NAV2: variants seen among roughly 807,000 people sequenced by gnomAD.
NAV2 encodes neuron navigator 2.
NAV2 carries 54 observed loss-of-function variants against 223.2 expected under a neutral mutation model. That is an observed-to-expected ratio of 0.24 (90% CI 0.19 to 0.30). The LOEUF (loss-of-function observed/expected upper bound fraction) is 0.30, where lower values mean the gene tolerates loss of function less well. Among genes scored for constraint, NAV2 ranks in the 10% least tolerant of loss-of-function variants. The pLI is 1.00. For synonymous variants in NAV2, 1,279 were observed against 1,239.3 expected (o/e 1.03, Z -0.67); for missense variants, 2,806 against 3,147.5 (o/e 0.89, Z 2.60).
At chr11:19,666,572 G>A (rs1303802722) in intron 1 of NAV2, among the ~76,000 whole-genome samples, 1 of 152,166 alleles carries the variant, frequency 6.6e-6, no homozygotes, top group Non-Finnish European at 1.5e-5. Context: ...GACAGATTGT[G>A]GAGCTTGGGG....
intron 1 of NAV2, among the ~76,000 whole-genome samples, chr11:19,755,364 T>C (rs773275606): frequency 3.3e-5 from 5 of 152,226 alleles, no homozygotes; most frequent in Non-Finnish European, 5.9e-5. Flanking sequence ...ATCCCATGCA[T>C]GGACTGTGAG....
chr11:19,819,311 G>C (rs916240265), intron 1 of NAV2, among the ~76,000 whole-genome samples: 1 of 152,196 alleles, frequency 6.6e-6, no homozygotes, highest in African/African-American at 2.4e-5. Flanking sequence ...GCTTTACGGG[G>C]ACTGACATTT....
chr11:19,884,394 G>A, intron 5 of NAV2: 2 of 1,568,574 alleles, frequency 1.3e-6, no homozygotes, highest in Non-Finnish European at 1.8e-6. Context: ...GCAAAGCATG[G>A]TTTAATCCCA....
At chr11:19,431,602 T>C (rs533309847) in intron 1 of NAV2, among the ~76,000 whole-genome samples, 50 of 152,334 alleles carry the variant, frequency 3.3e-4, no homozygotes, top group African/African-American at 1.1e-3. Flanking sequence ...TTGGTCTCCT[T>C]CCTCTCCTTG....
intron 1 of NAV2, among the ~76,000 whole-genome samples, chr11:19,597,986 G>C (rs940493712): frequency 6.6e-6 from 1 of 152,248 alleles, no homozygotes; most frequent in African/African-American, 2.4e-5. Flanking sequence ...TCTGCACAGA[G>C]AGACCACGGG....
At chr11:19,420,035 G>A (rs1850544173) in intron 1 of NAV2, among the ~76,000 whole-genome samples, 1 of 152,128 alleles carries the variant, frequency 6.6e-6, no homozygotes, top group South Asian at 2.1e-4. Context: ...GTAAGGTGAG[G>A]TCCTCTGAGT....
intron 1 of NAV2, among the ~76,000 whole-genome samples, chr11:19,507,451 AT>A (rs1341628340): frequency 6.6e-6 from 1 of 152,206 alleles, no homozygotes; most frequent in Non-Finnish European, 1.5e-5. Context: ...ATTTTACAGG[AT>A]TTTGATGAGA....
intron 35 of NAV2, among the ~76,000 whole-genome samples, chr11:20,106,175 A>ATATATATATGTGTGTGTGTGTG (rs11267537): frequency 0.024 from 862 of 35,756 alleles, 133 homozygotes; most frequent in Non-Finnish European, 0.033. Context: ...ATATATATAT[A>ATATATATATGTGTGTGTGTGTG]TGTGTGTGTA....
chr11:19,521,594 G>A (rs2043657637), intron 1 of NAV2, among the ~76,000 whole-genome samples: 1 of 152,142 alleles, frequency 6.6e-6, no homozygotes, highest in East Asian at 1.9e-4. Flanking sequence ...GGGGATATTT[G>A]AGGAGCTCCT....
intron 22 of NAV2, among the ~76,000 whole-genome samples, chr11:20,073,800 A>G (rs1362746861): frequency 1.3e-5 from 2 of 151,948 alleles, no homozygotes; most frequent in Non-Finnish European, 2.9e-5. Flanking sequence ...ATCATTTTCT[A>G]TTGCATCTTA....
intron 10 of NAV2, among the ~76,000 whole-genome samples, chr11:19,977,306 TC>T (rs2049847816): frequency 6.6e-6 from 1 of 152,252 alleles, no homozygotes; most frequent in South Asian, 2.1e-4. Flanking sequence ...ATGGTTAAAG[TC>T]CTGTTACCAC....
intron 1 of NAV2, among the ~76,000 whole-genome samples, chr11:19,455,992 G>A (rs1055118924): frequency 1.3e-5 from 2 of 152,216 alleles, no homozygotes; most frequent in Non-Finnish European, 2.9e-5. Flanking sequence ...GGTGGGGCCA[G>A]CCCTGCAGAG....
chr11:19,698,051 G>A (rs1184562509), intron 1 of NAV2, among the ~76,000 whole-genome samples: 1 of 152,176 alleles, frequency 6.6e-6, no homozygotes, highest in African/African-American at 2.4e-5. Context: ...ACTCATCACA[G>A]CACAGGGCTG....
chr11:19,709,662 C>T (rs7927127), upstream of NAV2, among the ~76,000 whole-genome samples: 3,118 of 151,824 alleles, frequency 0.021, 103 homozygotes, highest in African/African-American at 0.068. Context: ...TGACGAAACC[C>T]CGTCTCTACT....
At chr11:19,584,260 C>T (rs2045821122) in intron 1 of NAV2, among the ~76,000 whole-genome samples, 1 of 151,684 alleles carries the variant, frequency 6.6e-6, no homozygotes, top group African/African-American at 2.4e-5. Flanking sequence ...CTATTCGATT[C>T]TTCTCTCTTT....
chr11:20,108,491 G>A (rs2062344622), intron 36 of NAV2, among the ~76,000 whole-genome samples: 1 of 152,024 alleles, frequency 6.6e-6, no homozygotes, highest in South Asian at 2.1e-4. Flanking sequence ...CACCCAGACT[G>A]GAGTACAGTG....
chr11:20,088,503 G>A (rs749352129), intron 26 of NAV2, among the ~76,000 whole-genome samples: 1 of 152,188 alleles, frequency 6.6e-6, no homozygotes, highest in African/African-American at 2.4e-5. Context: ...TCATGTCTAC[G>A]TTATAGGGCA....
chr11:19,933,224 C>T lies in NAV2; in HGVS notation c.980C>T (p.Ala327Val), dbSNP rs1565585541. Residue 327 changes from alanine (A) to valine (V), a missense_variant, in exon 7 of 38, where the codon GCA becomes GTA. By Grantham distance (64) the Ala-to-Val change is moderately conservative (BLOSUM62 0). Transcript: ENST00000349880. The surrounding 1 kb of genome is among the most constrained non-coding windows in gnomAD (Gnocchi z 4.3). ...TCCCACCCCGGAATGAGTGACAATGCACCTGCTTCCTTGGAGAGCGGCAGC... is the reference window on the plus strand; with the variant it reads ...TCCCACCCCGGAATGAGTGACAATGTACCTGCTTCCTTGGAGAGCGGCAGC... The part of the protein sequence containing the change: ...ASSHPGMSDN[A>V]PASLESGSSS... The T allele has an allele frequency of 6.3e-7, 1 of 1,578,882 alleles. No homozygotes were observed. The highest frequency in any genetic ancestry group is 1.2e-5 in the South Asian group (1 of 85,842).
At chr11:19,479,914 C>A (rs1273232275) in intron 1 of NAV2, among the ~76,000 whole-genome samples, 1 of 152,206 alleles carries the variant, frequency 6.6e-6, no homozygotes, top group Non-Finnish European at 1.5e-5. Flanking sequence ...AGGGCTCATG[C>A]TGTAGGGCAG....
Sources: allele counts gnomAD v4.1 joint callset (sites outside exome capture counted in the v4.1 genomes callset), GRCh38; gene constraint gnomAD v4.1.1; non-coding constraint Gnocchi (gnomAD v3.1); transcripts MANE v1.5; gene names NCBI Gene and HGNC (gene_info 2026-07-23, HGNC 2026-07-21).